AHCYL1: variants seen among roughly 807,000 people sequenced by gnomAD.
The protein encoded by AHCYL1 is S-adenosylhomocysteine hydrolase-like protein 1.
Under a neutral mutation model 79.3 loss-of-function variants are expected in AHCYL1, and 20 were observed. That is an observed-to-expected ratio of 0.25 (90% CI 0.18 to 0.37). The LOEUF (loss-of-function observed/expected upper bound fraction) is 0.37. Ranked by LOEUF, AHCYL1 falls within the 10% of genes least tolerant of loss-of-function variation. The probability of loss-of-function intolerance (pLI) is 1.00; values close to 1 mark genes in which losing one functional copy is unlikely to be tolerated. For synonymous variants in AHCYL1, 223 were observed against 242.2 expected, an observed-to-expected ratio of 0.92 and a Z score of 0.74; for missense variants, 330 against 673.6, an observed-to-expected ratio of 0.49 and a Z score of 5.65.
intron 1 of AHCYL1, among the ~76,000 whole-genome samples, chr1:110,008,570 C>A (rs1650814750): frequency 8.1e-6 from 1 of 123,444 alleles, no homozygotes; most frequent in South Asian, 3.1e-4. Flanking sequence ...CTTCATAATT[C>A]TTTCAGAAAG....
intron 2 of AHCYL1, 67 bp from the exon 3 acceptor site, chr1:110,011,147 C>T (rs1650995783): frequency 4.4e-6 from 7 of 1,582,236 alleles, no homozygotes; most frequent in African/African-American, 1.4e-5. Context: ...CCCTTGGGGA[C>T]TGCACTCTGT....
At chr1:109,994,043 A>G (rs1649895860) in intron 1 of AHCYL1, among the ~76,000 whole-genome samples, 1 of 152,174 alleles carries the variant, frequency 6.6e-6, no homozygotes, top group African/African-American at 2.4e-5. Context: ...TTCTGAGTCA[A>G]AGGCTGAGTT....
At chr1:109,992,721 G>A (rs1440693585) in intron 1 of AHCYL1, among the ~76,000 whole-genome samples, 1 of 152,220 alleles carries the variant, frequency 6.6e-6, no homozygotes, top group Non-Finnish European at 1.5e-5. Flanking sequence ...ATTAGAGACT[G>A]TAGAACAATG....
chr1:110,013,999 C>T (rs1041890210), intron 5 of AHCYL1, among the ~76,000 whole-genome samples: 2 of 151,738 alleles, frequency 1.3e-5, no homozygotes, highest in African/African-American at 4.8e-5. Context: ...TGGGGTTTCA[C>T]CATGTTGGCC....
chr1:110,008,103 A>G (rs1288837654), intron 1 of AHCYL1, among the ~76,000 whole-genome samples: 1 of 147,232 alleles, frequency 6.8e-6, no homozygotes, highest in Non-Finnish European at 1.5e-5. Flanking sequence ...GCTCACTGCA[A>G]CCACCACCTC....
rs946356172 is a variant in AHCYL1, at chr1:110,022,125, G to A, written c.*445G>A. 3.1e-5 allele frequency: 5 copies of A among 160,600 alleles called. No individual in the cohort carries two copies. The highest frequency in any genetic ancestry group is 7.2e-5 in the African/African-American group (3 of 41,528). 9.9% of individuals were successfully genotyped at this position (160,600 alleles called of 1,614,324 possible). On this transcript the variant is annotated 3_prime_UTR_variant, in exon 17 of 17. Coordinates refer to ENST00000369799, the MANE Select transcript of AHCYL1 (RefSeq NM_006621.7). ...AAGCAGGGATGGTACCTACCCGGCA[G>A]GTAGGTTAGATGTGGGTGGTGCATG... is the stretch of plus-strand genomic sequence containing the variant.
At chr1:109,998,560 C>T (rs1382613049) in intron 1 of AHCYL1, among the ~76,000 whole-genome samples, 1 of 152,170 alleles carries the variant, frequency 6.6e-6, no homozygotes, top group Non-Finnish European at 1.5e-5. Flanking sequence ...TCACTGCAAC[C>T]TCCGTCCCCT....
At chr1:110,004,612 A>G (rs1650529059) in intron 1 of AHCYL1, among the ~76,000 whole-genome samples, 1 of 152,160 alleles carries the variant, frequency 6.6e-6, no homozygotes, top group Admixed American at 6.5e-5. Flanking sequence ...TGAAGTGGGA[A>G]TCAGACTGGT....
intron 16 of AHCYL1, among the ~76,000 whole-genome samples, chr1:110,021,454 A>G (rs191256393): frequency 1.3e-5 from 2 of 152,262 alleles, no homozygotes; most frequent in East Asian, 3.9e-4. Context: ...TCAGGGTTGA[A>G]AAAACACTGA....
At chr1:110,017,896 C>T in intron 10 of AHCYL1, 50 bp from the exon 11 acceptor site, 1 of 1,576,840 alleles carries the variant, frequency 6.3e-7, no homozygotes, top group Non-Finnish European at 8.7e-7. Context: ...ACCATCTTCC[C>T]TCCCACTGCC....
intron 5 of AHCYL1, 121 bp downstream of exon 5, chr1:110,013,120 A>G (rs868404191): frequency 4.6e-6 from 3 of 652,526 alleles, no homozygotes; most frequent in Middle Eastern, 5.2e-4. Flanking sequence ...ATTGTGCATG[A>G]TAAAAACCTC....
chr1:110,005,748 G>A (rs1443186350), intron 1 of AHCYL1, among the ~76,000 whole-genome samples: 1 of 150,734 alleles, frequency 6.6e-6, no homozygotes, highest in African/African-American at 2.5e-5. Flanking sequence ...AGTAAACTCA[G>A]CTTCTAATGG....
At chr1:110,008,022 GTTT>G (rs5776999) in intron 1 of AHCYL1, among the ~76,000 whole-genome samples, 5 of 87,474 alleles carry the variant, frequency 5.7e-5, no homozygotes, top group Non-Finnish European at 9.2e-5. Flanking sequence ...TTTTTTTTGG[GTTT>G]TTTTTTTTTT....
chr1:110,004,504 A>T, intron 1 of AHCYL1: 3 of 985,100 alleles, frequency 3.0e-6, no homozygotes, highest in Non-Finnish European at 3.6e-6. Context: ...TCTTTGGGAA[A>T]CACTTTTTTT....
intron 1 of AHCYL1, among the ~76,000 whole-genome samples, chr1:109,999,919 G>A (rs1650219542): frequency 6.6e-6 from 1 of 152,154 alleles, no homozygotes. Flanking sequence ...GAATTCAGCT[G>A]TGCTAGATCT....
intron 1 of AHCYL1, among the ~76,000 whole-genome samples, chr1:109,987,757 C>T (rs981890992): frequency 9.2e-5 from 14 of 152,138 alleles, no homozygotes; most frequent in Non-Finnish European, 1.5e-5. Context: ...CTGCTATGAA[C>T]AAAATAGGAC....
intron 9 of AHCYL1, 70 bp from the exon 10 acceptor site, chr1:110,017,425 A>G (rs985267044): frequency 4.7e-6 from 7 of 1,476,660 alleles, no homozygotes; most frequent in Non-Finnish European, 6.6e-6. Context: ...CTGTCTCACA[A>G]ATAACCTACC....
chr1:110,002,069 C>T (rs140582944), intron 1 of AHCYL1, among the ~76,000 whole-genome samples: 425 of 152,214 alleles, frequency 2.8e-3, no homozygotes, highest in Non-Finnish European at 3.6e-3. Context: ...AGAGACAAGA[C>T]ATACAATAGG....
intron 1 of AHCYL1, chr1:110,004,255 C>G (rs889758197): frequency 1.0e-6 from 1 of 985,510 alleles, no homozygotes; most frequent in Middle Eastern, 5.2e-4. Flanking sequence ...CTCCCTCTCC[C>G]CCAAGAAACT....
Sources: allele counts gnomAD v4.1 joint callset (sites outside exome capture counted in the v4.1 genomes callset), GRCh38; gene constraint gnomAD v4.1.1; transcripts MANE v1.5; gene names NCBI Gene and HGNC (gene_info 2026-07-23, HGNC 2026-07-21).